Variants in LRRIQ1 observed in about 807,000 individuals in gnomAD.
The protein encoded by LRRIQ1 is leucine-rich repeat- and IQ domain-containing protein 1.
Under a neutral mutation model 211.9 loss-of-function variants are expected in LRRIQ1, and 210 were observed. The ratio of observed to expected loss-of-function variants is 0.99; its 90% CI spans 0.89 to 1.11. LRRIQ1 has a LOEUF of 1.11. Ranked by LOEUF, LRRIQ1 falls within the 50% of genes most tolerant of loss-of-function variation. The pLI is 0.00. For missense variants in LRRIQ1, 2,136 were observed against 1,939.5 expected (o/e 1.10, Z -1.90); for synonymous variants, 699 against 650.1 (o/e 1.08, Z -1.14).
chr12:85,200,261 C>T (rs1378027277), intron 24 of LRRIQ1, among the ~76,000 whole-genome samples: 1 of 152,048 alleles, frequency 6.6e-6, no homozygotes, highest in East Asian at 1.9e-4. Flanking sequence ...TGACTGGGCT[C>T]TCAGCTTGGA....
intron 15 of LRRIQ1, among the ~76,000 whole-genome samples, chr12:85,112,678 G>T (rs1326204387): frequency 2.0e-5 from 3 of 151,740 alleles, no homozygotes; most frequent in Admixed American, 6.6e-5. Context: ...CTGCCTCAAG[G>T]CATGGGTTAT....
chr12:85,210,898 G>C (rs1294625115), intron 24 of LRRIQ1, among the ~76,000 whole-genome samples: 1 of 152,170 alleles, frequency 6.6e-6, no homozygotes, highest in Non-Finnish European at 1.5e-5. Flanking sequence ...CAAAGCATAG[G>C]TTGGTTTACA....
At chr12:85,258,925 A>T (rs562914795) in intron 1 of LRRIQ1, among the ~76,000 whole-genome samples, 3 of 152,126 alleles carry the variant, frequency 2.0e-5, no homozygotes, top group Non-Finnish European at 2.9e-5. Flanking sequence ...CATTCAAATC[A>T]TTTTACATAT....
intron 3 of LRRIQ1, among the ~76,000 whole-genome samples, chr12:85,044,212 C>T (rs912595701): frequency 2.6e-5 from 4 of 152,024 alleles, no homozygotes; most frequent in Non-Finnish European, 5.9e-5. Flanking sequence ...AGAAAATAAA[C>T]ATAACTACAT....
intron 24 of LRRIQ1, among the ~76,000 whole-genome samples, chr12:85,221,114 GTTTTGTGTTTAATTCCATA>G (rs1894383150): frequency 6.6e-6 from 1 of 151,822 alleles, no homozygotes; most frequent in Non-Finnish European, 1.5e-5. Flanking sequence ...GCCTGGCCTG[GTTTTGTGTTTAATTCCATA>G]CCATTAGTTG....
intron 19 of LRRIQ1, among the ~76,000 whole-genome samples, chr12:85,138,371 A>G (rs563107777): frequency 1.3e-5 from 2 of 151,708 alleles, no homozygotes; most frequent in Non-Finnish European, 3.0e-5. Flanking sequence ...AAACTAGAAT[A>G]GTTCCTCATC....
chr12:85,190,557 G>A (rs1892458620), intron 24 of LRRIQ1, among the ~76,000 whole-genome samples: 1 of 149,072 alleles, frequency 6.7e-6, no homozygotes, highest in Non-Finnish European at 1.5e-5. Flanking sequence ...TAATACATAT[G>A]CTATTATAAG....
chr12:85,064,812 C>G (rs912983184), intron 8 of LRRIQ1, among the ~76,000 whole-genome samples: 2 of 151,614 alleles, frequency 1.3e-5, no homozygotes, highest in Non-Finnish European at 2.9e-5. Context: ...GTTCTTGGCA[C>G]CTTTGTCGAA....
chr12:85,080,964 G>A (rs1168128381), intron 11 of LRRIQ1, among the ~76,000 whole-genome samples: 1 of 151,822 alleles, frequency 6.6e-6, no homozygotes, highest in African/African-American at 2.4e-5. Flanking sequence ...TTCCTCTAGA[G>A]GTCCTTAGTT....
At chr12:85,138,033 A>AT in intron 19 of LRRIQ1, 64 bp downstream of exon 19, 1 of 1,001,350 alleles carries the variant, frequency 1.0e-6, no homozygotes, top group Non-Finnish European at 1.5e-6. Flanking sequence ...TATTTTGAAG[A>AT]TAAACCAGTT....
At chr12:85,191,335 C>T (rs963158172) in intron 24 of LRRIQ1, among the ~76,000 whole-genome samples, 1 of 151,940 alleles carries the variant, frequency 6.6e-6, no homozygotes, top group African/African-American at 2.4e-5. Context: ...TCCTTCCCTC[C>T]CTGATTTCCA....
chr12:85,225,530 G>A (rs1371230398), intron 24 of LRRIQ1, among the ~76,000 whole-genome samples: 1 of 152,122 alleles, frequency 6.6e-6, no homozygotes, highest in Non-Finnish European at 1.5e-5. Context: ...GTCAAAAAAT[G>A]TTTAAATAAA....
At chr12:85,270,684 A>C in the LRRIQ1 span, among the ~76,000 whole-genome samples, 1 of 152,068 alleles carries the variant, frequency 6.6e-6, no homozygotes, top group Non-Finnish European at 1.5e-5. Context: ...AATATATAAC[A>C]ACAACAAACA....
At chr12:85,206,815 C>T (rs1249309292) in intron 24 of LRRIQ1, among the ~76,000 whole-genome samples, 2 of 152,002 alleles carry the variant, frequency 1.3e-5, no homozygotes, top group Admixed American at 6.5e-5. Flanking sequence ...CAGGGGAGGC[C>T]GGCAGACAGA....
At chr12:85,122,228 A>G (rs1171129298) in intron 16 of LRRIQ1, among the ~76,000 whole-genome samples, 3 of 152,172 alleles carry the variant, frequency 2.0e-5, no homozygotes, top group South Asian at 2.1e-4. Flanking sequence ...ACAAATTAAC[A>G]TAAGAGAAAA....
chr12:85,220,606 T>A (rs2137125702), intron 24 of LRRIQ1, among the ~76,000 whole-genome samples: 1 of 151,082 alleles, frequency 6.6e-6, no homozygotes, highest in South Asian at 2.1e-4. Flanking sequence ...TTTCTTTTTT[T>A]TGGTTTTGTG....
At chr12:85,080,814 T>C (rs1702357) in intron 11 of LRRIQ1, among the ~76,000 whole-genome samples, 1 of 151,998 alleles carries the variant, frequency 6.6e-6, no homozygotes, top group Non-Finnish European at 1.5e-5. Context: ...TTCCAGTGGG[T>C]AGTTTCTATT....
At chr12:85,226,485 TTGAG>T (rs1894659417) in intron 24 of LRRIQ1, among the ~76,000 whole-genome samples, 2 of 152,070 alleles carry the variant, frequency 1.3e-5, no homozygotes, top group African/African-American at 4.8e-5. Flanking sequence ...TTCCCTTTGT[TTGAG>T]TGTGTCTTAT....
Position 85,045,881 on chromosome 12 carries a change from C to T in LRRIQ1, c.337-139C>T, listed in dbSNP as rs1446659603. The T allele has an allele frequency of 9.0e-6, 4 of 443,044 alleles. No individual in the cohort carries two copies. The Admixed American group carries it at 1.1e-4, about 13-fold the overall frequency. The allele number at this position is 443,044 out of a possible 1,614,324, so 27.4% of individuals were successfully genotyped here. On this transcript the variant is annotated intron_variant, in intron 4 of 26. Transcript: ENST00000393217. ...AAAGAGAATAATTATCAATGTGCTG[C>T]AGATTTGTATTTGAGAGATATCTGG...
Sources: gnomAD v4.1 joint callset for allele counts (sites outside exome capture counted in the v4.1 genomes callset) on GRCh38, gnomAD v4.1.1 for gene constraint, MANE v1.5 for transcripts, NCBI Gene and HGNC (gene_info 2026-07-23, HGNC 2026-07-21) for gene names.